Variants in PHGDH observed in about 807,000 individuals in gnomAD.
PHGDH encodes phosphoglycerate dehydrogenase.
In PHGDH, 50 loss-of-function variants were observed where a neutral mutation model predicts 52.6. That is an observed-to-expected ratio of 0.95 (90% CI 0.76 to 1.20). PHGDH has a LOEUF of 1.20. Among genes scored for constraint, PHGDH ranks in the 50% most tolerant of loss-of-function variants. The pLI, the probability that PHGDH is intolerant of heterozygous loss-of-function variation, is 0.00. For missense variants in PHGDH, 630 were observed against 684.6 expected, an observed-to-expected ratio of 0.92 and a Z score of 0.89; for synonymous variants, 271 against 280.5, an observed-to-expected ratio of 0.97 and a Z score of 0.34.
intron 1 of PHGDH, among the ~76,000 whole-genome samples, chr1:119,713,763 T>G (rs1471864327): frequency 6.6e-6 from 1 of 152,106 alleles, no homozygotes; most frequent in Non-Finnish European, 1.5e-5. Context: ...CCTCTGACTC[T>G]CACCTCCACC....
At chr1:119,715,130 T>TA (rs1006258787) in intron 1 of PHGDH, among the ~76,000 whole-genome samples, 17 of 152,244 alleles carry the variant, frequency 1.1e-4, no homozygotes, top group African/African-American at 3.1e-4. Context: ...TGTCATAACT[T>TA]AAACACTCAT....
chr1:119,736,009 C>G (rs923479187), intron 7 of PHGDH, among the ~76,000 whole-genome samples: 1 of 152,172 alleles, frequency 6.6e-6, no homozygotes, highest in East Asian at 1.9e-4. Flanking sequence ...CATTTGCACT[C>G]GAATCCTTTT....
At chr1:119,723,493 A>C (rs1417715068) in intron 3 of PHGDH, 52 bp downstream of exon 3, 1 of 1,382,480 alleles carries the variant, frequency 7.2e-7, no homozygotes, top group Admixed American at 1.7e-5. Flanking sequence ...GCCAATTATT[A>C]CCACTTGCCA....
intron 5 of PHGDH, among the ~76,000 whole-genome samples, chr1:119,730,629 G>A (rs1651651442): frequency 6.6e-6 from 1 of 152,214 alleles, no homozygotes; most frequent in Admixed American, 6.5e-5. Flanking sequence ...ACAGTTGTGT[G>A]GAATTTTATT....
At chr1:119,736,323 C>G (rs1651932024) in intron 7 of PHGDH, among the ~76,000 whole-genome samples, 1 of 150,376 alleles carries the variant, frequency 6.6e-6, no homozygotes, top group Non-Finnish European at 1.5e-5. Context: ...AGCACCTTCT[C>G]CTGCTCTCTT....
At chr1:119,738,622 G>A (rs1260547619) in intron 8 of PHGDH, among the ~76,000 whole-genome samples, 2 of 152,222 alleles carry the variant, frequency 1.3e-5, no homozygotes, top group Admixed American at 1.3e-4. Context: ...GCCAATCTGG[G>A]CTTCAGGGTT....
intron 5 of PHGDH, among the ~76,000 whole-genome samples, chr1:119,728,706 G>A (rs1651560970): frequency 6.6e-6 from 1 of 152,138 alleles, no homozygotes; most frequent in African/African-American, 2.4e-5. Context: ...TTCCCAGATA[G>A]GCCAAAGAGA....
Position 119,721,322 on chromosome 1 carries a change from G to A in PHGDH, c.290+1G>A. On this transcript the variant is annotated splice_donor_variant, in intron 2 of 11. Coordinates refer to ENST00000641023, the MANE Select transcript of PHGDH (RefSeq NM_006623.4). LOFTEE classifies it high-confidence loss of function. ...CAAGGAAGGGCATCTTGGTTATGAA[G>A]TAAGTCATGGAGGCTGCGGGCGGTT... 1 of 1,613,756 alleles carries A rather than the reference G, an allele frequency of 6.2e-7. No homozygotes were observed. The highest frequency in any genetic ancestry group is 8.5e-7 in the Non-Finnish European group (1 of 1,179,858).
intron 7 of PHGDH, among the ~76,000 whole-genome samples, chr1:119,735,749 G>C (rs1447063472): frequency 1.3e-5 from 2 of 152,204 alleles, no homozygotes; most frequent in African/African-American, 4.8e-5. Context: ...AATCAGTTCT[G>C]AAGTTGAGGG....
intron 11 of PHGDH, 108 bp from the exon 12 acceptor site, chr1:119,743,778 T>C (rs938434530): frequency 3.5e-6 from 3 of 848,978 alleles, no homozygotes; most frequent in Non-Finnish European, 6.2e-6. Context: ...CATCATCCGC[T>C]CATTGCACCT....
At chr1:119,727,209 C>T (rs1013593269) in intron 5 of PHGDH, 107 bp downstream of exon 5, 3 of 745,120 alleles carry the variant, frequency 4.0e-6, no homozygotes, top group Admixed American at 3.9e-5. Flanking sequence ...GGGTCTGACC[C>T]TCTCTTGGAG....
chr1:119,734,444 A>G (rs1049530081), intron 5 of PHGDH, 190 bp from the exon 6 acceptor site: 6 of 649,396 alleles, frequency 9.2e-6, no homozygotes, highest in Admixed American at 8.4e-5. Flanking sequence ...CATGGTACTT[A>G]GTATATGGTA....
intron 3 of PHGDH, among the ~76,000 whole-genome samples, chr1:119,725,605 C>T (rs978922170): frequency 5.9e-5 from 9 of 152,160 alleles, no homozygotes; most frequent in African/African-American, 2.2e-4. Flanking sequence ...AGATCGTGCG[C>T]CTCTGTGATG....
In PHGDH at chr1:119,744,174, T is replaced by C; in HGVS notation, c.*134T>C. On this transcript the variant is annotated 3_prime_UTR_variant, in exon 12 of 12. Coordinates refer to ENST00000641023, the MANE Select transcript of PHGDH (RefSeq NM_006623.4). ...CACTGCTTACACTGCACTCTGACCC[T>C]GTAGTACAGCAATAACCGTCTAATA... 1 of 803,806 alleles carries C rather than the reference T, an allele frequency of 1.2e-6. No homozygotes were observed. The highest frequency in any genetic ancestry group is 2.2e-6 in the Non-Finnish European group (1 of 459,450). 49.8% of individuals were successfully genotyped at this position (803,806 alleles called of 1,614,324 possible).
chr1:119,726,576 G>A lies in PHGDH; in HGVS notation c.357-275G>A, dbSNP rs587684190. 3 of 553,818 alleles carry A rather than the reference G, an allele frequency of 5.4e-6. No homozygotes were observed. In the African/African-American group the frequency reaches 5.7e-5, roughly 10 times the overall value. The allele number at this position is 553,818 out of a possible 1,614,324, so 34.3% of individuals were successfully genotyped here. A position where few individuals can be genotyped will look rare whatever the true frequency, so the allele number is the denominator to read the frequency against. ...CGCTTAAAGTAAAAAACTCACTCTGGTTGATGCCTCAGTGGCTGAGGTGGA... is the reference window on the plus strand; with the variant it reads ...CGCTTAAAGTAAAAAACTCACTCTGATTGATGCCTCAGTGGCTGAGGTGGA... On this transcript the variant is annotated intron_variant, in intron 3 of 11. Transcript: ENST00000641023.
intron 5 of PHGDH, chr1:119,729,717 G>T (rs966259224): frequency 4.6e-5 from 7 of 152,170 alleles, no homozygotes; most frequent in African/African-American, 1.7e-4. Context: ...GGGACCTTGA[G>T]CATCAGTGTC....
chr1:119,737,035 C>T (rs587614611), intron 7 of PHGDH, 79 bp from the exon 8 acceptor site: 64 of 1,465,728 alleles, frequency 4.4e-5, no homozygotes, highest in East Asian at 3.6e-4. Flanking sequence ...TTCCCTCCAA[C>T]TTTCCTGTTG....
rs587634570 is a variant in PHGDH at position 119,735,621 on chromosome 1, C to T, written c.792+178C>T. 2.6e-5 allele frequency among the ~76,000 whole-genome samples: 4 copies of T among 152,284 alleles called. 1 individual carries two copies. The South Asian group carries it at 6.2e-4, about 24-fold the overall frequency. On this transcript the variant is annotated intron_variant, in intron 7 of 11. Transcript: ENST00000641023. Reference sequence around the variant, plus strand: ...ACCTTTGTGGTTTGAGGAGTCCTTGCGGAGCCTGGTATGGAGGCAGCTATG... The same window carrying T: ...ACCTTTGTGGTTTGAGGAGTCCTTGTGGAGCCTGGTATGGAGGCAGCTATG...
intron 1 of PHGDH, among the ~76,000 whole-genome samples, chr1:119,718,993 GAA>G (rs1215558010): frequency 1.3e-5 from 2 of 152,172 alleles, no homozygotes; most frequent in African/African-American, 4.8e-5. Flanking sequence ...ATTGCACCTT[GAA>G]AAGTCAGTAA....
Sources: gnomAD v4.1 joint callset for allele counts (sites outside exome capture counted in the v4.1 genomes callset) on GRCh38, gnomAD v4.1.1 for gene constraint, MANE v1.5 for transcripts, NCBI Gene and HGNC (gene_info 2026-07-23, HGNC 2026-07-21) for gene names.